Variants in ZNF676 observed in about 807,000 individuals in gnomAD.
The protein encoded by ZNF676 is zinc finger protein 676.
In ZNF676, 4 loss-of-function variants were observed where a neutral mutation model predicts 6.0. The observed-to-expected ratio is 0.67, with a 90% confidence interval of 0.33 to 1.53. ZNF676 has a LOEUF of 1.53. Among genes scored for constraint, ZNF676 ranks in the 40% most tolerant of loss-of-function variants. ZNF676 has a pLI of 0.06. For synonymous variants in ZNF676, 198 were observed against 223.1 expected (o/e 0.89, Z 1.00); for missense variants, 644 against 679.7 (o/e 0.95, Z 0.58).
the ZNF676 span, among the ~76,000 whole-genome samples, chr19:22,253,221 T>A: frequency 2.6e-4 from 39 of 151,974 alleles, no homozygotes; most frequent in Admixed American, 2.4e-3. Flanking sequence ...AACAGTCAGC[T>A]GTGTTCATGT....
intron 2 of ZNF676, among the ~76,000 whole-genome samples, chr19:22,184,803 T>C (rs1335831909): frequency 8.6e-6 from 1 of 116,924 alleles, no homozygotes; most frequent in African/African-American, 3.3e-5. Flanking sequence ...TCCAGGTTCC[T>C]CCTCTTTGGG....
chr19:22,235,012 G>A, the ZNF676 span, among the ~76,000 whole-genome samples: 1 of 97,432 alleles, frequency 1.0e-5, no homozygotes, highest in Non-Finnish European at 2.1e-5. Flanking sequence ...AAGAAAGAAA[G>A]AAAGAAAGAA....
At chr19:22,254,978 G>C in the ZNF676 span, among the ~76,000 whole-genome samples, 12 of 152,232 alleles carry the variant, frequency 7.9e-5, no homozygotes, top group East Asian at 3.8e-4. Context: ...GCAAGATGGT[G>C]TAAGAATGAG....
At chr19:22,214,507 G>A (rs1367147485) in intron 1 of ZNF676, among the ~76,000 whole-genome samples, 7 of 150,394 alleles carry the variant, frequency 4.7e-5, no homozygotes, top group Admixed American at 2.7e-4. Flanking sequence ...GCTGAGGCAG[G>A]AGAATCGCTT....
intron 1 of ZNF676, among the ~76,000 whole-genome samples, chr19:22,206,828 A>T (rs2024081262): frequency 6.6e-6 from 1 of 152,244 alleles, no homozygotes; most frequent in South Asian, 2.1e-4. Flanking sequence ...TCACATAAAC[A>T]GAATTAAAGA....
Position 22,196,757 on chromosome 19 carries a change from C to T in ZNF676, c.-124G>A. ...AAACACACACAAACACATATATTTACCAATTGGTCATGGGCAGAACTTTTA... is the reference window on the plus strand; with the variant it reads ...AAACACACACAAACACATATATTTATCAATTGGTCATGGGCAGAACTTTTA... On this transcript the variant is annotated 5_prime_UTR_variant, in exon 1 of 3. An upstream open reading frame in the 5' UTR gains an earlier in-frame stop. Transcript: ENST00000397121. 1 of 1,569,544 alleles carries T rather than the reference C, an allele frequency of 6.4e-7. No homozygotes were observed. Among genetic ancestry groups the T allele is most frequent in the Non-Finnish European group, 8.7e-7 (1 of 1,142,946 alleles).
chr19:22,200,057 C>G (rs1305346731), upstream of ZNF676, among the ~76,000 whole-genome samples: 1 of 152,046 alleles, frequency 6.6e-6, no homozygotes, highest in Admixed American at 6.6e-5. Context: ...ATGAACAGGG[C>G]TGGGGCAGAG....
chr19:22,218,190 C>A (rs1408990336), upstream of ZNF676, among the ~76,000 whole-genome samples: 3 of 151,990 alleles, frequency 2.0e-5, no homozygotes, highest in Admixed American at 2.0e-4. Context: ...CTTTGAGGTT[C>A]TTGGTCATGC....
At chr19:22,184,522 C>T (rs2023805647) in intron 2 of ZNF676, among the ~76,000 whole-genome samples, 1 of 152,082 alleles carries the variant, frequency 6.6e-6, no homozygotes, top group African/African-American at 2.4e-5. Context: ...GAGACAGAAC[C>T]ATTCACTCCC....
chr19:22,188,459 G>T (rs999237757), intron 2 of ZNF676, among the ~76,000 whole-genome samples: 1 of 152,170 alleles, frequency 6.6e-6, no homozygotes, highest in Non-Finnish European at 1.5e-5. Flanking sequence ...ACAAGACAAG[G>T]ATGCCCTCTC....
chr19:22,199,600 A>G (rs1051559524), upstream of ZNF676, among the ~76,000 whole-genome samples: 1 of 152,150 alleles, frequency 6.6e-6, no homozygotes, highest in African/African-American at 2.4e-5. Flanking sequence ...TTTTATTTCT[A>G]TTTGTTTATC....
exon 1 of ZNF676, chr19:22,215,768 G>C: frequency 8.6e-7 from 1 of 1,160,054 alleles, no homozygotes; most frequent in Non-Finnish European, 1.2e-6. Flanking sequence ...GAGAGACAAA[G>C]GACCGACCAC....
chr19:22,185,832 A>G (rs1472161295), intron 2 of ZNF676, among the ~76,000 whole-genome samples: 1 of 152,018 alleles, frequency 6.6e-6, no homozygotes, highest in Non-Finnish European at 1.5e-5. Flanking sequence ...AAGATTAGAG[A>G]AAAAAGAATA....
At chr19:22,228,354 C>A in the ZNF676 span, among the ~76,000 whole-genome samples, 2 of 152,154 alleles carry the variant, frequency 1.3e-5, no homozygotes, top group Non-Finnish European at 2.9e-5. Flanking sequence ...TGGAACATAT[C>A]TCAAAATAAT....
chr19:22,240,788 T>C, the ZNF676 span, among the ~76,000 whole-genome samples: 7,793 of 151,730 alleles, frequency 0.051, 794 homozygotes, highest in African/African-American at 0.18. Context: ...TGAGACTCCA[T>C]CTCAAAAAAA....
chr19:22,249,559 T>A, the ZNF676 span, among the ~76,000 whole-genome samples: 2 of 152,034 alleles, frequency 1.3e-5, no homozygotes, highest in East Asian at 3.9e-4. Flanking sequence ...ATTACAGGCA[T>A]GTGCCACCAT....
intron 1 of ZNF676, among the ~76,000 whole-genome samples, chr19:22,202,460 T>G (rs1374251246): frequency 6.6e-6 from 1 of 152,006 alleles, no homozygotes; most frequent in East Asian, 1.9e-4. Context: ...GAAGCCTGAG[T>G]GGAAAAGGCC....
At chr19:22,205,290 T>C (rs1400723909) in intron 1 of ZNF676, among the ~76,000 whole-genome samples, 4 of 152,128 alleles carry the variant, frequency 2.6e-5, no homozygotes, top group African/African-American at 9.7e-5. Context: ...ACTCAACACC[T>C]GACCAAATAA....
At chr19:22,182,619 A>T (rs977715576) in intron 2 of ZNF676, among the ~76,000 whole-genome samples, 2 of 137,548 alleles carry the variant, frequency 1.5e-5, no homozygotes, top group African/African-American at 5.3e-5. Flanking sequence ...AAAAAAAAGA[A>T]GCTATAAAGT....
Sources: allele counts gnomAD v4.1 joint callset (sites outside exome capture counted in the v4.1 genomes callset), GRCh38; gene constraint gnomAD v4.1.1; transcripts MANE v1.5; gene names NCBI Gene and HGNC (gene_info 2026-07-23, HGNC 2026-07-21).